The following CELA3B variants were observed in gnomAD, a reference collection of about 807,000 sequenced individuals.
CELA3B encodes the protein chymotrypsin-like elastase family member 3B.
Under a neutral mutation model 37.2 loss-of-function variants are expected in CELA3B, and 34 were observed. The ratio of observed to expected loss-of-function variants is 0.91; its 90% CI spans 0.70 to 1.22. The LOEUF is 1.22. Ranked by LOEUF, CELA3B falls within the 50% of genes most tolerant of loss-of-function variation. The pLI is 0.00. For missense variants in CELA3B, 340 were observed against 363.1 expected, an observed-to-expected ratio of 0.94 and a Z score of 0.52; for synonymous variants, 127 against 143.5, an observed-to-expected ratio of 0.89 and a Z score of 0.82.
At chr1:21,991,979 G>T (rs547093834), downstream of CELA3B, among the ~76,000 whole-genome samples, 330 of 139,824 alleles carry the variant, frequency 2.4e-3, 16 homozygotes, top group African/African-American at 7.9e-3. Flanking sequence ...AATTAGGCAG[G>T]TGTGGTGGTG....
chr1:21,982,018 C>T (rs1044391201), intron 4 of CELA3B, among the ~76,000 whole-genome samples: 1 of 152,104 alleles, frequency 6.6e-6, no homozygotes, highest in African/African-American at 2.4e-5. Context: ...AGCCACCGCG[C>T]CCTGCCATAT....
intron 7 of CELA3B, among the ~76,000 whole-genome samples, chr1:21,987,286 C>T (rs1255824836): frequency 2.6e-5 from 4 of 151,492 alleles, no homozygotes; most frequent in African/African-American, 9.8e-5. Context: ...AACCCTGTCT[C>T]TACTAAAAAT....
downstream of CELA3B, among the ~76,000 whole-genome samples, chr1:21,991,246 C>T (rs553630659): frequency 5.7e-3 from 749 of 130,704 alleles, 4 homozygotes; most frequent in African/African-American, 0.022. Context: ...AATCCTGGCT[C>T]GCTGCAACCT....
At chr1:21,986,869 A>G in intron 7 of CELA3B, 186 bp downstream of exon 7, 1 of 672,344 alleles carries the variant, frequency 1.5e-6, no homozygotes, top group South Asian at 1.9e-5. Flanking sequence ...CAGGAACTTG[A>G]TGGCTTCTGG....
chr1:21,983,861 G>C (rs374035332), intron 5 of CELA3B, 31 bp downstream of exon 5: 22 of 1,604,750 alleles, frequency 1.4e-5, no homozygotes, highest in Non-Finnish European at 1.7e-5. Flanking sequence ...CTGGCCACAG[G>C]GACAGTGGCA....
At chr1:21,982,002 G>T (rs1644808804) in intron 4 of CELA3B, among the ~76,000 whole-genome samples, 1 of 152,110 alleles carries the variant, frequency 6.6e-6, no homozygotes, top group Admixed American at 6.6e-5. Context: ...TAGGATTACA[G>T]GCATGAGCCA....
At chr1:21,980,458 G>C (rs111353884) in intron 2 of CELA3B, among the ~76,000 whole-genome samples, 155 of 150,922 alleles carry the variant, frequency 1.0e-3, no homozygotes, top group African/African-American at 2.5e-3. Context: ...CCAGCCTGGG[G>C]AACAAGAGCA....
Position 21,984,169 on chromosome 1 carries a change from G to A in CELA3B, c.500-20G>A, listed in dbSNP as rs6426735. On this transcript the variant is annotated intron_variant, in intron 5 of 7. Coordinates refer to ENST00000337107, the MANE Select transcript of CELA3B (RefSeq NM_007352.4). The stretch of plus-strand genomic sequence containing the variant: ...CCCTGTGCCCCCAGACCCCTGACTC[G>A]GTGCTTTTTATCGCTGCAGCCAACG... The A allele has an allele frequency of 6.2e-7, 1 of 1,609,088 alleles. No individual in the cohort carries two copies. Among genetic ancestry groups the A allele is most frequent in the African/African-American group, 1.3e-5 (1 of 74,814 alleles).
In CELA3B at chr1:21,978,348, C is replaced by T. The variant is rs759367805; in HGVS notation, c.44-21C>T. 60 of 1,613,634 alleles carry T rather than the reference C, an allele frequency of 3.7e-5. No homozygotes were observed. The Middle Eastern group carries it at 1.2e-3, about 31-fold the overall frequency. On this transcript the variant is annotated intron_variant, in intron 1 of 7. Transcript: ENST00000337107. Reference sequence around the variant, plus strand: ...TTTTGGGGACCCTCCCGCTGATTGACAGCTCTCCTCTCCCCTCTAGCCTCA... The same window carrying T: ...TTTTGGGGACCCTCCCGCTGATTGATAGCTCTCCTCTCCCCTCTAGCCTCA...
In CELA3B at chr1:21,985,189, G is replaced by T. The variant is rs562636239; in HGVS notation, c.642+858G>T. Among the ~76,000 whole-genome samples, 13 of 152,106 alleles carry T rather than the reference G, an allele frequency of 8.5e-5. No individual in the cohort carries two copies. In the East Asian group the frequency reaches 2.5e-3, roughly 30 times the overall value. On this transcript the variant is annotated intron_variant, in intron 6 of 7. Coordinates refer to ENST00000337107, the MANE Select transcript of CELA3B (RefSeq NM_007352.4). ...TCCCAACTACTTGAGAGGCTGAGGT[G>T]GGAGGATTGTTTGAGCCTGGGAGTT...
downstream of CELA3B, among the ~76,000 whole-genome samples, chr1:21,992,219 T>C (rs1644871770): frequency 6.6e-6 from 1 of 151,418 alleles, no homozygotes; most frequent in Non-Finnish European, 1.5e-5. Flanking sequence ...CACTGTGGGG[T>C]GGAGACTTGA....
chr1:21,980,531 C>T (rs1273030254), intron 2 of CELA3B, among the ~76,000 whole-genome samples: 61 of 148,820 alleles, frequency 4.1e-4, no homozygotes, highest in Middle Eastern at 6.9e-3. Flanking sequence ...AGAGGGCCTT[C>T]AAGGGCTCTC....
intron 6 of CELA3B, among the ~76,000 whole-genome samples, chr1:21,985,314 G>A (rs1337941487): frequency 1.4e-5 from 2 of 144,374 alleles, no homozygotes; most frequent in African/African-American, 5.1e-5. Flanking sequence ...ATCTTGCTCT[G>A]TTGCCCAGGC....
At position 21,981,068 on chromosome 1, in the gene CELA3B, C is replaced by T. The variant is rs777462398; in HGVS notation, c.258C>T (p.Gly86=). The change falls in exon 4 of 8, where the codon GGC becomes GGT. Residue 86 remains glycine, a synonymous_variant. Coordinates refer to ENST00000337107, the MANE Select transcript of CELA3B (RefSeq NM_007352.4). ...CCCGGACCTACCAGGTGGTGTTGGG[C>T]GAGTACGACCGTGCTGTGAAGGAGG... ...SSSRTYQVVL[G]EYDRAVKEGP... The T allele has an allele frequency of 3.5e-5, 57 of 1,613,858 alleles. 1 individual carries two copies. The Middle Eastern group carries it at 1.5e-3, about 43-fold the overall frequency.
chr1:21,978,415 C>G lies in CELA3B; in HGVS notation c.90C>G (p.Val30=). ...CCTCTCGCCCTTCCAGCCGCGTTGTCAATGGTGAGGATGCGGTCCCCTACA... is the reference window on the plus strand; with the variant it reads ...CCTCTCGCCCTTCCAGCCGCGTTGTGAATGGTGAGGATGCGGTCCCCTACA... ...PPSSRPSSRV[V]NGEDAVPYSW... The change falls in exon 2 of 8, where the codon GTC becomes GTG. Residue 30 remains valine, a synonymous_variant. Coordinates refer to ENST00000337107, the MANE Select transcript of CELA3B (RefSeq NM_007352.4). 2 of 1,614,110 alleles carry G rather than the reference C, an allele frequency of 1.2e-6. No homozygotes were observed. The highest frequency in any genetic ancestry group is 2.2e-5 in the South Asian group (2 of 91,066).
downstream of CELA3B, among the ~76,000 whole-genome samples, chr1:21,991,605 G>A (rs1479701708): frequency 6.6e-6 from 1 of 150,874 alleles, no homozygotes; most frequent in African/African-American, 2.5e-5. Context: ...CAAAGTGCTG[G>A]GATTACAGGT....
At chr1:21,985,484 C>T (rs937495300) in intron 6 of CELA3B, among the ~76,000 whole-genome samples, 4 of 151,936 alleles carry the variant, frequency 2.6e-5, no homozygotes, top group Non-Finnish European at 5.9e-5. Context: ...CACCATGTTG[C>T]CCAGGCTTGT....
At chr1:21,985,784 G>C in intron 6 of CELA3B, among the ~76,000 whole-genome samples, 1 of 152,116 alleles carries the variant, frequency 6.6e-6, no homozygotes, top group South Asian at 2.1e-4. Context: ...CCAGCTACTC[G>C]GGAGGCTGAG....
intron 6 of CELA3B, among the ~76,000 whole-genome samples, chr1:21,985,598 A>G (rs954599074): frequency 6.6e-6 from 1 of 151,806 alleles, no homozygotes; most frequent in African/African-American, 2.4e-5. Context: ...TGTTAAAGAA[A>G]AAAAAAAAAA....
Sources: allele counts gnomAD v4.1 joint callset (sites outside exome capture counted in the v4.1 genomes callset), GRCh38; gene constraint gnomAD v4.1.1; transcripts MANE v1.5; gene names NCBI Gene and HGNC (gene_info 2026-07-23, HGNC 2026-07-21).